Variants in BDP1 observed in about 807,000 individuals in gnomAD.
BDP1 encodes the protein BDP1 general transcription factor IIIB subunit, also known as transcription factor TFIIIB component B'' homolog.
Under a neutral mutation model 266.6 loss-of-function variants are expected in BDP1, and 169 were observed. That is an observed-to-expected ratio of 0.63 (90% CI 0.56 to 0.72). The LOEUF is 0.72. BDP1 is among the 30% of genes least tolerant of loss of function. The pLI, the probability that BDP1 is intolerant of heterozygous loss-of-function variation, is 0.00. For missense variants in BDP1, 3,015 were observed against 3,053.8 expected, an observed-to-expected ratio of 0.99 and a Z score of 0.30; for synonymous variants, 1,090 against 1,022.4, an observed-to-expected ratio of 1.07 and a Z score of -1.26.
chr5:71,463,797 C>T (rs1761715418), intron 3 of BDP1, among the ~76,000 whole-genome samples: 1 of 148,854 alleles, frequency 6.7e-6, no homozygotes, highest in Admixed American at 6.8e-5. Flanking sequence ...CACTGCACTT[C>T]AGTCTGACAC....
chr5:71,514,729 G>A (rs1765131399), intron 19 of BDP1, among the ~76,000 whole-genome samples: 1 of 152,036 alleles, frequency 6.6e-6, no homozygotes, highest in East Asian at 1.9e-4. Flanking sequence ...GGGAGGTGGT[G>A]CTTAAATTGT....
Position 71,455,864 on chromosome 5 carries a change from C to A in BDP1, c.-14C>A. On this transcript the variant is annotated 5_prime_UTR_variant, in exon 1 of 39. Transcript: ENST00000358731. ...CGGCCGTGAGGCTGCCTCCCCGGGC[C>A]CCCTGCCTCCGCCATGTTCCGCAGG... 1.3e-6 allele frequency: 2 copies of A among 1,557,582 alleles called. No homozygotes were observed. The highest frequency in any genetic ancestry group is 1.7e-6 in the Non-Finnish European group (2 of 1,151,066).
intron 13 of BDP1, among the ~76,000 whole-genome samples, chr5:71,500,233 C>T (rs1252265659): frequency 1.3e-5 from 2 of 149,634 alleles, no homozygotes; most frequent in African/African-American, 2.5e-5. Context: ...TTGGAAAATA[C>T]AGATTCATGT....
At chr5:71,552,770 G>A (rs1443983133) in intron 34 of BDP1, among the ~76,000 whole-genome samples, 1 of 152,260 alleles carries the variant, frequency 6.6e-6, no homozygotes, top group African/African-American at 2.4e-5. Flanking sequence ...GATGGCAGCA[G>A]TACAGTCCAG....
At chr5:71,461,741 G>A in intron 2 of BDP1, 76 bp from the exon 3 acceptor site, 1 of 795,436 alleles carries the variant, frequency 1.3e-6, no homozygotes, top group Non-Finnish European at 2.1e-6. Context: ...CGCAACAGTG[G>A]ACTGTATATT....
chr5:71,484,608 T>G (rs2150397936), intron 8 of BDP1, among the ~76,000 whole-genome samples: 1 of 152,276 alleles, frequency 6.6e-6, no homozygotes, highest in African/African-American at 2.4e-5. Context: ...CTCATTAAAA[T>G]TAACATATTT....
chr5:71,539,756 C>T, intron 28 of BDP1, 107 bp downstream of exon 28: 1 of 661,868 alleles, frequency 1.5e-6, no homozygotes, highest in Non-Finnish European at 2.5e-6. Flanking sequence ...AAGTTGTCTC[C>T]ATTTTGTTGT....
At chr5:71,520,085 C>T (rs1423765625) in intron 22 of BDP1, among the ~76,000 whole-genome samples, 1 of 152,168 alleles carries the variant, frequency 6.6e-6, no homozygotes, top group Non-Finnish European at 1.5e-5. Context: ...TTTTGTCAGA[C>T]ACCTGTTGGC....
intron 5 of BDP1, 97 bp downstream of exon 5, chr5:71,466,318 CTT>C: frequency 7.6e-7 from 1 of 1,323,076 alleles, no homozygotes; most frequent in South Asian, 1.4e-5. Context: ...GCCTTTGTCA[CTT>C]AGACCTTGAC....
At chr5:71,528,559 ATAAT>A (rs1290273284) in intron 25 of BDP1, among the ~76,000 whole-genome samples, 6 of 152,244 alleles carry the variant, frequency 3.9e-5, no homozygotes, top group African/African-American at 9.6e-5. Context: ...AATGTTTAAG[ATAAT>A]TAAGGTAAAC....
Position 71,511,020 on chromosome 5 carries a change from C to G in BDP1, c.3928C>G (p.Gln1310Glu), listed in dbSNP as rs759857664. The G allele has an allele frequency of 1.9e-6, 3 of 1,613,812 alleles. No individual in the cohort carries two copies. In the East Asian group the frequency reaches 6.7e-5, roughly 36 times the overall value. ...TGAGGAAAAGGTGGCAGAATTGAAA[C>G]AAACTGGAAAAACAGACATTTCTCC... ...VTEEKVAELK[Q>E]TGKTDISPRE... The change falls in exon 17 of 39, where the codon CAA (glutamine) becomes GAA (glutamate). Residue 1310 changes from glutamine (Q) to glutamate (E), a missense_variant. Physicochemically the swap from Gln to Glu is conservative, Grantham distance 29. Transcript: ENST00000358731.
intron 13 of BDP1, among the ~76,000 whole-genome samples, chr5:71,501,203 TCTCA>T (rs1313952228): frequency 5.9e-5 from 9 of 151,946 alleles, no homozygotes; most frequent in Non-Finnish European, 1.0e-4. Context: ...TGAGATGGAG[TCTCA>T]CTCTGTCACC....
chr5:71,526,718 C>T (rs1209994550), intron 25 of BDP1, among the ~76,000 whole-genome samples: 2 of 138,030 alleles, frequency 1.4e-5, no homozygotes, highest in African/African-American at 2.7e-5. Context: ...GACGGGGTCT[C>T]AGTCTGTCAC....
intron 21 of BDP1, 65 bp downstream of exon 21, chr5:71,516,336 A>G: frequency 8.2e-7 from 1 of 1,220,980 alleles, no homozygotes; most frequent in Non-Finnish European, 1.2e-6. Flanking sequence ...GTTATAGCTC[A>G]GACATAGCTT....
Position 71,455,671 on chromosome 5 carries a change from G to T in BDP1, c.-207G>T. 1 of 586,898 alleles carries T rather than the reference G, an allele frequency of 1.7e-6. No homozygotes were observed. The highest frequency in any genetic ancestry group is 3.0e-6 in the Non-Finnish European group (1 of 330,030). The allele number at this position is 586,898 out of a possible 1,614,324, so 36.4% of individuals were successfully genotyped here. A position where few individuals can be genotyped will look rare whatever the true frequency, so the allele number is the denominator to read the frequency against. On this transcript the variant is annotated 5_prime_UTR_variant, in exon 1 of 39. Transcript: ENST00000358731. ...GGGAGGAGGGTGAAATTTAGCCATC[G>T]GTGTGTGGCAGGGTCATGAAAAAGC...
Position 71,553,570 on chromosome 5 carries a change from A to G in BDP1, c.7200+250A>G, listed in dbSNP as rs59596395. Among the ~76,000 whole-genome samples the G allele has an allele frequency of 0.015, 2,335 of 152,298 alleles. 71 individuals are homozygous for G. Among genetic ancestry groups the G allele is most frequent in the African/African-American group, 0.053 (2,213 of 41,546 alleles). ...CCCAGCTCTGTATTGGTGGCTAAAA[A>G]TAAGACCAAAAGCATTATATATGTC... On this transcript the variant is annotated intron_variant, in intron 35 of 38. Transcript: ENST00000358731.
intron 25 of BDP1, among the ~76,000 whole-genome samples, chr5:71,525,226 C>A (rs1346346194): frequency 6.6e-6 from 1 of 151,272 alleles, no homozygotes. Context: ...CAGAGGCGCC[C>A]CTCACCTCCC....
intron 10 of BDP1, among the ~76,000 whole-genome samples, chr5:71,490,591 G>T (rs1006866755): frequency 6.6e-6 from 1 of 152,130 alleles, no homozygotes; most frequent in African/African-American, 2.4e-5. Flanking sequence ...ATGAGATAAT[G>T]CATCTGATGG....
chr5:71,528,215 A>G (rs1766031376), intron 25 of BDP1, among the ~76,000 whole-genome samples: 1 of 152,202 alleles, frequency 6.6e-6, no homozygotes, highest in Non-Finnish European at 1.5e-5. Flanking sequence ...TCAACAGTGT[A>G]CAAGCATTGC....
Sources: allele counts gnomAD v4.1 joint callset (sites outside exome capture counted in the v4.1 genomes callset), GRCh38; gene constraint gnomAD v4.1.1; transcripts MANE v1.5; gene names NCBI Gene and HGNC (gene_info 2026-07-23, HGNC 2026-07-21).